The following TNR variants were observed in gnomAD, a reference collection of about 807,000 sequenced individuals.
TNR encodes the protein tenascin R.
A neutral mutation model predicts 150.4 loss-of-function variants in TNR; 45 were observed. The observed-to-expected ratio is 0.30, with a 90% confidence interval of 0.24 to 0.38. The LOEUF (loss-of-function observed/expected upper bound fraction) is 0.38, where lower values mean the gene tolerates loss of function less well. Among genes scored for constraint, TNR ranks in the 10% least tolerant of loss-of-function variants. The pLI, the probability that TNR is intolerant of heterozygous loss-of-function variation, is 1.00. For missense variants in TNR, 1,544 were observed against 1,759.1 expected (o/e 0.88, Z 2.19); for synonymous variants, 687 against 678.4 (o/e 1.01, Z -0.20).
At chr1:175,581,194 T>G (rs779266203) in intron 1 of TNR, among the ~76,000 whole-genome samples, 20 of 152,090 alleles carry the variant, frequency 1.3e-4, no homozygotes, top group Non-Finnish European at 2.2e-4. Flanking sequence ...GAACTGAAAA[T>G]GGGAACCGCT....
At chr1:175,465,562 A>G (rs78531066) in intron 2 of TNR, among the ~76,000 whole-genome samples, 7,028 of 152,332 alleles carry the variant, frequency 0.046, 278 homozygotes, top group African/African-American at 0.11. Flanking sequence ...TCATCCCTGC[A>G]GTCAGGCTCT....
At chr1:175,532,412 C>A (rs1322913750) in intron 1 of TNR, among the ~76,000 whole-genome samples, 1 of 152,090 alleles carries the variant, frequency 6.6e-6, no homozygotes, top group African/African-American at 2.4e-5. Context: ...GGCTTCCTAC[C>A]AGGAGGGATC....
intron 1 of TNR, among the ~76,000 whole-genome samples, chr1:175,668,109 T>C (rs768141740): frequency 7.9e-5 from 12 of 152,188 alleles, no homozygotes; most frequent in Non-Finnish European, 1.5e-4. Context: ...GTCTAATACA[T>C]ACCTTTTGAT....
chr1:175,701,976 G>A (rs942874810), intron 1 of TNR, among the ~76,000 whole-genome samples: 1 of 152,238 alleles, frequency 6.6e-6, no homozygotes, highest in Non-Finnish European at 1.5e-5. Context: ...ATAGTGGAGT[G>A]CAAGGAGCTC....
At chr1:175,585,078 C>T (rs1662513654) in intron 1 of TNR, among the ~76,000 whole-genome samples, 1 of 152,160 alleles carries the variant, frequency 6.6e-6, no homozygotes, top group Admixed American at 6.5e-5. Flanking sequence ...TGTGCAGGCA[C>T]ATTCTGAGGC....
intron 1 of TNR, among the ~76,000 whole-genome samples, chr1:175,719,720 A>G (rs1667249207): frequency 6.6e-6 from 1 of 152,208 alleles, no homozygotes; most frequent in African/African-American, 2.4e-5. Context: ...TGACTAGGAC[A>G]CAATGATAGC....
chr1:175,654,743 T>G (rs1571718836), intron 1 of TNR, among the ~76,000 whole-genome samples: 1 of 84,650 alleles, frequency 1.2e-5, no homozygotes, highest in African/African-American at 4.1e-5. Flanking sequence ...TTTTTTTTTT[T>G]GGAGACGGAG....
At chr1:175,501,641 C>T (rs1435638659) in intron 2 of TNR, among the ~76,000 whole-genome samples, 1 of 152,220 alleles carries the variant, frequency 6.6e-6, no homozygotes, top group Non-Finnish European at 1.5e-5. Flanking sequence ...ACAAATACGG[C>T]CAGCTAAAGA....
intron 1 of TNR, among the ~76,000 whole-genome samples, chr1:175,656,766 T>C (rs2101893716): frequency 6.6e-6 from 1 of 152,110 alleles, no homozygotes; most frequent in African/African-American, 2.4e-5. Flanking sequence ...CTGAGTGAGG[T>C]TGTACGTGGC....
intron 2 of TNR, among the ~76,000 whole-genome samples, chr1:175,439,590 C>T (rs1571441439): frequency 6.6e-6 from 1 of 152,110 alleles, no homozygotes. Flanking sequence ...GAACAGGCAA[C>T]CTACAGAATG....
At chr1:175,433,090 G>A (rs1001361476) in intron 2 of TNR, among the ~76,000 whole-genome samples, 5 of 152,196 alleles carry the variant, frequency 3.3e-5, no homozygotes, top group Admixed American at 3.3e-4. Flanking sequence ...CAGTGAATGT[G>A]AGGATGAAAG....
At chr1:175,396,937 G>T in intron 4 of TNR, 130 bp from the exon 5 acceptor site, 1 of 1,221,826 alleles carries the variant, frequency 8.2e-7, no homozygotes, top group Non-Finnish European at 1.1e-6. Flanking sequence ...ATGGCTTTAA[G>T]TGATTTGTAA....
rs1437715530 is a variant in TNR at position 175,406,616 on chromosome 1, C to T, written c.99G>A (p.Leu33=). 2 of 1,614,100 alleles carry T rather than the reference C, an allele frequency of 1.2e-6. No individual in the cohort carries two copies. Among genetic ancestry groups the T allele is most frequent in the East Asian group, 2.2e-5 (1 of 44,900 alleles). ...GSMIKPSECQ[L]EVTTERVQRQ... Reference sequence around the variant, plus strand: ...TCTGGACCCTTTCTGTGGTGACCTCCAGCTGACACTCTGAAGGCTTGATCA... The same window carrying T: ...TCTGGACCCTTTCTGTGGTGACCTCTAGCTGACACTCTGAAGGCTTGATCA... The change falls in exon 3 of 23, where the codon CTG becomes CTA. Residue 33 remains leucine, a synonymous_variant. Coordinates refer to ENST00000367674, the MANE Select transcript of TNR (RefSeq NM_003285.3).
At chr1:175,451,288 G>A (rs1173968104) in intron 2 of TNR, among the ~76,000 whole-genome samples, 1 of 150,038 alleles carries the variant, frequency 6.7e-6, no homozygotes, top group African/African-American at 2.5e-5. Flanking sequence ...TGTTATATAT[G>A]TATACATGTG....
intron 1 of TNR, among the ~76,000 whole-genome samples, chr1:175,587,462 G>T (rs184187564): frequency 1.2e-4 from 19 of 152,224 alleles, no homozygotes; most frequent in Non-Finnish European, 2.6e-4. Flanking sequence ...AGGGTTAAAT[G>T]AAATCATGTA....
At chr1:175,415,438 C>A (rs955794772) in intron 2 of TNR, among the ~76,000 whole-genome samples, 3 of 152,218 alleles carry the variant, frequency 2.0e-5, no homozygotes, top group African/African-American at 7.2e-5. Context: ...TCAACAAGGA[C>A]ATGGAATGGT....
intron 20 of TNR, among the ~76,000 whole-genome samples, chr1:175,332,832 T>A (rs1203351326): frequency 1.3e-5 from 2 of 152,224 alleles, no homozygotes; most frequent in Non-Finnish European, 1.5e-5. Context: ...GGCCTTCATT[T>A]CAGTGACTCT....
At chr1:175,507,061 G>A (rs12081663) in intron 2 of TNR, among the ~76,000 whole-genome samples, 1 of 152,074 alleles carries the variant, frequency 6.6e-6, no homozygotes, top group Non-Finnish European at 1.5e-5. Context: ...TGGGCTGTAT[G>A]TAAAGTCTTC....
intron 2 of TNR, among the ~76,000 whole-genome samples, chr1:175,471,115 A>G (rs79767642): frequency 0.019 from 2,821 of 152,350 alleles, 38 homozygotes; most frequent in South Asian, 0.044. Context: ...GGCAATAAAT[A>G]CACCGCAATT....
Sources: allele counts gnomAD v4.1 joint callset (sites outside exome capture counted in the v4.1 genomes callset), GRCh38; gene constraint gnomAD v4.1.1; transcripts MANE v1.5; gene names NCBI Gene and HGNC (gene_info 2026-07-23, HGNC 2026-07-21).